The following CCDC7 variants were observed in gnomAD, a reference collection of about 807,000 sequenced individuals.
CCDC7 encodes coiled-coil domain-containing protein 7.
In CCDC7, 183 loss-of-function variants were observed where a neutral mutation model predicts 196.9. That is an observed-to-expected ratio of 0.93 (90% CI 0.82 to 1.05). The LOEUF is 1.05. Ranked by LOEUF, CCDC7 falls within the 50% of genes least tolerant of loss-of-function variation. The pLI, the probability that CCDC7 is intolerant of heterozygous loss-of-function variation, is 0.00. For synonymous variants in CCDC7, 525 were observed against 484.6 expected, an observed-to-expected ratio of 1.08 and a Z score of -1.10; for missense variants, 1,540 against 1,482.2, an observed-to-expected ratio of 1.04 and a Z score of -0.64.
At chr10:32,803,615 T>C (rs1274928874) in intron 29 of CCDC7, among the ~76,000 whole-genome samples, 1 of 152,180 alleles carries the variant, frequency 6.6e-6, no homozygotes, top group Non-Finnish European at 1.5e-5. Flanking sequence ...TGTCAGTCTA[T>C]GTGTGTCTTT....
At chr10:32,467,211 C>G (rs777711622) in intron 5 of CCDC7, among the ~76,000 whole-genome samples, 8 of 151,898 alleles carry the variant, frequency 5.3e-5, no homozygotes, top group South Asian at 2.1e-4. Context: ...AAGCAATTGT[C>G]CTGCCTCAGC....
intron 9 of CCDC7, among the ~76,000 whole-genome samples, chr10:32,500,065 A>T (rs2043651723): frequency 6.6e-6 from 1 of 152,132 alleles, no homozygotes; most frequent in African/African-American, 2.4e-5. Flanking sequence ...CCCCTTTTCT[A>T]TTCAACAAAA....
intron 28 of CCDC7, among the ~76,000 whole-genome samples, chr10:32,767,145 G>A (rs2078441965): frequency 1.3e-5 from 2 of 151,984 alleles, no homozygotes. Context: ...TTATCCCATA[G>A]CCAACACACC....
intron 29 of CCDC7, among the ~76,000 whole-genome samples, chr10:32,784,159 A>C (rs2081452165): frequency 6.6e-6 from 1 of 152,244 alleles, no homozygotes; most frequent in Non-Finnish European, 1.5e-5. Flanking sequence ...TATATTTACC[A>C]CAATAAAAAT....
intron 21 of CCDC7, among the ~76,000 whole-genome samples, chr10:32,669,256 T>A (rs759212180): frequency 6.6e-6 from 1 of 152,164 alleles, no homozygotes; most frequent in Non-Finnish European, 1.5e-5. Context: ...CACTTGATCA[T>A]GGTGAATTCT....
chr10:32,874,693 A>G (rs2094543354), intron 41 of CCDC7, among the ~76,000 whole-genome samples: 1 of 151,304 alleles, frequency 6.6e-6, no homozygotes, highest in Non-Finnish European at 1.5e-5. Flanking sequence ...ACACATACAC[A>G]CATATGTATG....
intron 31 of CCDC7, among the ~76,000 whole-genome samples, chr10:32,819,180 T>A (rs530668150): frequency 6.6e-6 from 1 of 152,128 alleles, no homozygotes; most frequent in Non-Finnish European, 1.5e-5. Context: ...GAGAATACTA[T>A]AAACACCTCT....
At chr10:32,579,008 C>A (rs1166077320) in intron 16 of CCDC7, among the ~76,000 whole-genome samples, 1 of 152,104 alleles carries the variant, frequency 6.6e-6, no homozygotes, top group Non-Finnish European at 1.5e-5. Flanking sequence ...GGTTTTGTCC[C>A]ACATTGAAAA....
exon 39 of CCDC7, chr10:32,848,703 C>A (rs947278709): frequency 1.9e-6 from 3 of 1,544,202 alleles, no homozygotes; most frequent in Non-Finnish European, 2.7e-6. Flanking sequence ...CAATTTATCA[C>A]CCTTTGAAAA....
intron 28 of CCDC7, among the ~76,000 whole-genome samples, chr10:32,763,837 G>A (rs2133918772): frequency 6.6e-6 from 1 of 151,948 alleles, no homozygotes; most frequent in South Asian, 2.1e-4. Context: ...GACAAATGGG[G>A]AGATGTTACA....
chr10:32,491,905 G>T lies in CCDC7; in HGVS notation c.797-17G>T. On this transcript the variant is annotated splice_polypyrimidine_tract_variant and intron_variant, in intron 8 of 41. Transcript: ENST00000639629. ...TATTTATAAAACCTTTAACATTTTT[G>T]ACTTTTTAAATAATAGAAACTGCTC... The T allele has an allele frequency of 6.5e-7, 1 of 1,535,480 alleles. No homozygotes were observed. The highest frequency in any genetic ancestry group is 1.3e-5 in the South Asian group (1 of 76,120).
chr10:32,780,421 A>G lies in CCDC7; in HGVS notation c.3013+1337A>G, dbSNP rs79136712. ...TCTATAATACTCAAAAGACAAATAT[A>G]TAAAAATAATTACAAATTTATGTTA... On this transcript the variant is annotated intron_variant, in intron 29 of 41. Transcript: ENST00000639629. 8.1e-3 allele frequency among the ~76,000 whole-genome samples: 1,228 copies of G among 152,320 alleles called. 7 individuals are homozygous for G. Among genetic ancestry groups the G allele is most frequent in the Middle Eastern group, 0.02 (6 of 294 alleles).
intron 21 of CCDC7, among the ~76,000 whole-genome samples, chr10:32,670,612 A>G (rs930561469): frequency 1.5e-4 from 21 of 140,200 alleles, no homozygotes; most frequent in African/African-American, 4.3e-4. Context: ...TCATTGTTCA[A>G]TTCCCACCTA....
chr10:32,817,632 T>C (rs2089051331), intron 31 of CCDC7, among the ~76,000 whole-genome samples: 1 of 152,332 alleles, frequency 6.6e-6, no homozygotes, highest in East Asian at 1.9e-4. Flanking sequence ...GACTAACAGC[T>C]GATCTCTCAG....
At chr10:32,564,739 A>T (rs2056474341) in intron 13 of CCDC7, among the ~76,000 whole-genome samples, 1 of 152,076 alleles carries the variant, frequency 6.6e-6, no homozygotes, top group Admixed American at 6.6e-5. Context: ...CCAGCATGGC[A>T]CATGTATACA....
intron 9 of CCDC7, chr10:32,499,090 T>C (rs1368484238): frequency 6.6e-6 from 1 of 150,770 alleles, no homozygotes; most frequent in Non-Finnish European, 1.5e-5. Context: ...TGTTTCTTTT[T>C]TTTTTTTTTT....
At chr10:32,745,499 G>A (rs1238706112) in intron 28 of CCDC7, among the ~76,000 whole-genome samples, 1 of 152,116 alleles carries the variant, frequency 6.6e-6, no homozygotes, top group Non-Finnish European at 1.5e-5. Context: ...GGAGTTGTCA[G>A]GCTCTTTTTA....
At chr10:32,783,075 G>A (rs1264322217) in intron 29 of CCDC7, among the ~76,000 whole-genome samples, 2 of 152,086 alleles carry the variant, frequency 1.3e-5, no homozygotes, top group Non-Finnish European at 2.9e-5. Flanking sequence ...AGAAAAACAG[G>A]GAAAAGCCTT....
exon 32 of CCDC7, chr10:32,824,562 A>G (rs1168539153): frequency 6.2e-7 from 1 of 1,612,390 alleles, no homozygotes; most frequent in Non-Finnish European, 8.5e-7. Context: ...AGGTACAATA[A>G]ATGATGCAAT....
Sources: gnomAD v4.1 joint callset for allele counts (sites outside exome capture counted in the v4.1 genomes callset) on GRCh38, gnomAD v4.1.1 for gene constraint, MANE v1.5 for transcripts, NCBI Gene and HGNC (gene_info 2026-07-23, HGNC 2026-07-21) for gene names.